The following RNF216 variants were observed in gnomAD, a reference collection of about 807,000 sequenced individuals.
RNF216 encodes the protein ring finger protein 216.
Under a neutral mutation model 110.8 loss-of-function variants are expected in RNF216, and 72 were observed. The observed-to-expected ratio is 0.65, with a 90% CI of 0.54 to 0.79. The LOEUF is 0.79. RNF216 is among the 30% of genes least tolerant of loss of function. The pLI, the probability that RNF216 is intolerant of heterozygous loss-of-function variation, is 0.00. For synonymous variants in RNF216, 495 were observed against 407.5 expected (o/e 1.21, Z -2.59); for missense variants, 1,342 against 1,141.2 (o/e 1.18, Z -2.54).
chr7:5,725,470 G>T, intron 7 of RNF216, 32 bp from the exon 8 acceptor site: 1 of 1,266,192 alleles, frequency 7.9e-7, no homozygotes. Flanking sequence ...GGTTCCTTCT[G>T]TAAATAGAAA....
chr7:5,728,959 T>A lies in RNF216; in HGVS notation c.1389+473A>T, dbSNP rs187635413. On this transcript the variant is annotated intron_variant, in intron 7 of 16. Coordinates refer to ENST00000389902, the MANE Select transcript of RNF216 (RefSeq NM_207111.4). Reference sequence around the variant, plus strand: ...CTCACCCTCAACCAAGGCCTTTAAGTGCCATCTATTTTAGGATCCTGCGGG... The same window carrying A: ...CTCACCCTCAACCAAGGCCTTTAAGAGCCATCTATTTTAGGATCCTGCGGG... Among the ~76,000 whole-genome samples the A allele has an allele frequency of 1.2e-4, 18 of 152,218 alleles. No individual in the cohort carries two copies. In the East Asian group the frequency reaches 2.3e-3, roughly 20 times the overall value.
At chr7:5,726,310 A>G (rs879575489) in intron 7 of RNF216, among the ~76,000 whole-genome samples, 3 of 152,158 alleles carry the variant, frequency 2.0e-5, no homozygotes, top group African/African-American at 7.2e-5. Flanking sequence ...TCCTTGAATA[A>G]GTACAGGTAA....
intron 7 of RNF216, among the ~76,000 whole-genome samples, chr7:5,726,026 T>G (rs1335160477): frequency 6.6e-6 from 1 of 152,080 alleles, no homozygotes. Flanking sequence ...CCTGTAATCC[T>G]AGCACTGTGG....
intron 13 of RNF216, among the ~76,000 whole-genome samples, chr7:5,659,913 T>C (rs1309684004): frequency 6.6e-6 from 1 of 152,048 alleles, no homozygotes; most frequent in Non-Finnish European, 1.5e-5. Flanking sequence ...GAAAGGGACT[T>C]TATTACTATT....
intron 1 of RNF216, among the ~76,000 whole-genome samples, chr7:5,762,515 A>T (rs573158242): frequency 6.6e-6 from 1 of 151,554 alleles, no homozygotes; most frequent in East Asian, 1.9e-4. Flanking sequence ...AAATAATAAT[A>T]AATAAATAAA....
At chr7:5,638,990 A>G (rs1243458477) in intron 15 of RNF216, among the ~76,000 whole-genome samples, 1 of 152,078 alleles carries the variant, frequency 6.6e-6, no homozygotes, top group Non-Finnish European at 1.5e-5. Flanking sequence ...TTTTGAGTTG[A>G]GGTGAATAGA....
chr7:5,774,035 C>T (rs1796642642), intron 1 of RNF216, among the ~76,000 whole-genome samples: 3 of 152,136 alleles, frequency 2.0e-5, no homozygotes, highest in South Asian at 4.1e-4. Flanking sequence ...GAGTGGCACA[C>T]CAGTGGCCCC....
At chr7:5,637,860 C>G (rs1237880660) in intron 15 of RNF216, among the ~76,000 whole-genome samples, 1 of 152,166 alleles carries the variant, frequency 6.6e-6, no homozygotes, top group Non-Finnish European at 1.5e-5. Flanking sequence ...ATTTCTTTTT[C>G]TTTAAGATCA....
intron 2 of RNF216, among the ~76,000 whole-genome samples, chr7:5,756,898 A>C (rs1168904615): frequency 6.6e-6 from 1 of 152,134 alleles, no homozygotes; most frequent in East Asian, 1.9e-4. Context: ...GGCCTTCCAA[A>C]GTGCTGGCAT....
Position 5,622,867 on chromosome 7 carries a change from C to A in RNF216, c.2765G>T (p.Arg922Leu). 1.3e-6 allele frequency: 2 copies of A among 1,598,746 alleles called. No homozygotes were observed. The highest frequency in any genetic ancestry group is 1.7e-6 in the Non-Finnish European group (2 of 1,170,116). The stretch of plus-strand genomic sequence containing the variant: ...AATGGGGATTCGGGGCCATCAGAAG[C>A]GATGCCGCGGCTGGGGGCCAAAGTG... ...PMHFGPQPRHRF is the reference protein window; with the variant it reads ...PMHFGPQPRHLF The change falls in exon 17 of 17, where the codon CGC becomes CTC. Residue 922 changes from arginine (R) to leucine (L), a missense_variant. Arg to Leu is a moderately radical substitution (Grantham distance 102). Coordinates refer to ENST00000389902, the MANE Select transcript of RNF216 (RefSeq NM_207111.4).
rs1445654806 is a variant in RNF216, at chr7:5,696,596, C to T, written c.2061+15165G>A. Among the ~76,000 whole-genome samples, 3 of 152,150 alleles carry T rather than the reference C, an allele frequency of 2.0e-5. No individual in the cohort carries two copies. Among genetic ancestry groups the T allele is most frequent in the African/African-American group, 7.2e-5 (3 of 41,428 alleles). On this transcript the variant is annotated intron_variant, in intron 13 of 16. Coordinates refer to ENST00000389902, the MANE Select transcript of RNF216 (RefSeq NM_207111.4). The surrounding 1 kb of genome is among the most constrained non-coding windows in gnomAD (Gnocchi z 5.4). Reference sequence around the variant, plus strand: ...AAGATCGTGTCCTATGGTCTCGCTTCGGCCGCTCTTCACCAAAGCCTCTTC... The same window carrying T: ...AAGATCGTGTCCTATGGTCTCGCTTTGGCCGCTCTTCACCAAAGCCTCTTC...
intron 13 of RNF216, among the ~76,000 whole-genome samples, chr7:5,669,256 G>C (rs1325079451): frequency 6.6e-6 from 1 of 152,200 alleles, no homozygotes; most frequent in Admixed American, 6.5e-5. Context: ...AAGTTGAGAA[G>C]CTCTGACCTC....
chr7:5,662,613 C>CCAGTGCCACTGAGAGCCTTCCAT (rs1179281782), intron 13 of RNF216: 2 of 152,448 alleles, frequency 1.3e-5, no homozygotes, highest in Non-Finnish European at 2.9e-5. Context: ...GCCCCTTCCA[C>CCAGTGCCACTGAGAGCCTTCCAT]CAGTGCCACT....
intron 2 of RNF216, among the ~76,000 whole-genome samples, chr7:5,757,332 A>C (rs1795695395): frequency 6.6e-6 from 1 of 152,128 alleles, no homozygotes; most frequent in South Asian, 2.1e-4. Context: ...TGAATCTTTT[A>C]TCATTATGAA....
rs10242141 is a variant in RNF216 at position 5,711,701 on chromosome 7, T to C, written c.2061+60A>G. On this transcript the variant is annotated intron_variant, in intron 13 of 16. Coordinates refer to ENST00000389902, the MANE Select transcript of RNF216 (RefSeq NM_207111.4). ...AGGTAAACAGCAGATATTTGGGCCA[T>C]GAGGGCAGCCCATAATACCATAATT... The C allele has an allele frequency of 0.013, 18,278 of 1,393,024 alleles. 1,819 individuals are homozygous for C. The African/African-American group carries it at 0.22, about 17-fold the overall frequency. The allele number at this position is 1,393,024 out of a possible 1,614,324, so 86.3% of individuals were successfully genotyped here. A position where few individuals can be genotyped will look rare whatever the true frequency, so the allele number is the denominator to read the frequency against.
chr7:5,645,927 T>G (rs948663297), intron 14 of RNF216, among the ~76,000 whole-genome samples: 1 of 152,210 alleles, frequency 6.6e-6, no homozygotes, highest in Non-Finnish European at 1.5e-5. Flanking sequence ...TACTTGTTCA[T>G]ACACTGTGCT....
At chr7:5,705,116 C>T (rs567165927) in intron 13 of RNF216, among the ~76,000 whole-genome samples, 74 of 152,314 alleles carry the variant, frequency 4.9e-4, no homozygotes, top group Non-Finnish European at 8.8e-4. Context: ...CTGCTCATTT[C>T]AGACTCCAAA....
intron 9 of RNF216, among the ~76,000 whole-genome samples, chr7:5,719,570 C>G (rs1793284265): frequency 6.6e-6 from 1 of 152,056 alleles, no homozygotes; most frequent in Admixed American, 6.5e-5. Flanking sequence ...GTGAATATCA[C>G]CAAGAATAAA....
At chr7:5,650,239 C>G (rs769146861) in intron 14 of RNF216, among the ~76,000 whole-genome samples, 2 of 152,156 alleles carry the variant, frequency 1.3e-5, no homozygotes, top group Non-Finnish European at 2.9e-5. Flanking sequence ...TTGGAATCAA[C>G]ATATATCACA....
Sources: gnomAD v4.1 joint callset for allele counts (sites outside exome capture counted in the v4.1 genomes callset) on GRCh38, gnomAD v4.1.1 for gene constraint, Gnocchi (gnomAD v3.1) non-coding constraint, MANE v1.5 for transcripts, NCBI Gene and HGNC (gene_info 2026-07-23, HGNC 2026-07-21) for gene names.